Variants in ADD1 observed in about 807,000 individuals in gnomAD.
ADD1 encodes the protein alpha-adducin.
In ADD1, 24 loss-of-function variants were observed where a neutral mutation model predicts 80.5. That is an observed-to-expected ratio of 0.30 (90% CI 0.22 to 0.42). The LOEUF (loss-of-function observed/expected upper bound fraction) is 0.42, where lower values mean the gene tolerates loss of function less well. ADD1 is among the 10% of genes least tolerant of loss of function. The probability of loss-of-function intolerance (pLI) is 1.00; values close to 1 mark genes in which losing one functional copy is unlikely to be tolerated. For synonymous variants in ADD1, 373 were observed against 393.8 expected, an observed-to-expected ratio of 0.95 and a Z score of 0.63; for missense variants, 948 against 1,019.0, an observed-to-expected ratio of 0.93 and a Z score of 0.95.
chr4:2,881,994 A>G lies in ADD1; in HGVS notation c.292A>G (p.Met98Val). Reference protein sequence around the residue: ...LLALQQIADFMTTNVPNVYPA... With the variant: ...LLALQQIADFVTTNVPNVYPA... ...GGCATTACAGCAGATTGCAGATTTT[A>G]TGACCACGAATGTACCAAATGTCTA... Residue 98 changes from methionine (M) to valine (V), a missense_variant, in exon 3 of 16, where the codon ATG (methionine) becomes GTG (valine). Transcript: ENST00000683351. The G allele has an allele frequency of 7.4e-6, 12 of 1,613,396 alleles. No individual in the cohort carries two copies. Among genetic ancestry groups the G allele is most frequent in the Non-Finnish European group, 1.0e-5 (12 of 1,179,850 alleles).
At position 2,928,844 on chromosome 4, in the gene ADD1, T is replaced by A; in HGVS notation, c.*321T>A. ...CAGCTTTGGCTGCACGTCACCCTCC[T>A]GAGCCTCACCTTTCCTGCCGTCCCT... On this transcript the variant is annotated 3_prime_UTR_variant, in exon 16 of 16. Coordinates refer to ENST00000683351, the MANE Select transcript of ADD1 (RefSeq NM_001354761.2). The A allele has an allele frequency of 6.6e-6, 2 of 304,010 alleles. No homozygotes were observed. The highest frequency in any genetic ancestry group is 1.2e-5 in the Non-Finnish European group (2 of 165,408). 18.8% of individuals were successfully genotyped at this position (304,010 alleles called of 1,614,324 possible).
chr4:2,897,904 A>G (rs983905254), intron 6 of ADD1, among the ~76,000 whole-genome samples: 1 of 152,144 alleles, frequency 6.6e-6, no homozygotes, highest in African/African-American at 2.4e-5. Context: ...TCATTGTATA[A>G]TTAAATCCAG....
chr4:2,877,001 CA>C (rs397879163), intron 2 of ADD1, among the ~76,000 whole-genome samples: 24,751 of 118,002 alleles, frequency 0.21, 1,910 homozygotes, highest in East Asian at 0.49. Context: ...GACTCTGTCT[CA>C]AAAAAAAAAA....
chr4:2,915,004 C>T lies in ADD1; in HGVS notation c.1912C>T (p.Arg638Cys), dbSNP rs200523186. 79 of 1,613,878 alleles carry T rather than the reference C, an allele frequency of 4.9e-5. No homozygotes were observed. Among genetic ancestry groups the T allele is most frequent in the Non-Finnish European group, 5.6e-5 (66 of 1,179,884 alleles). ...TLTDRELEEY[R>C]REVERKQKGS... ...CACAGACCGTGAGCTGGAGGAGTAC[C>T]GCAGGGAGGTGGAGAGGAAGCAGAA... Residue 638 changes from arginine to cysteine, a missense_variant, in exon 14 of 16, where the codon CGC (arginine) becomes TGC (cysteine). Arg to Cys is a radical substitution (Grantham distance 180). Coordinates refer to ENST00000683351, the MANE Select transcript of ADD1 (RefSeq NM_001354761.2).
Position 2,928,163 on chromosome 4 carries a change from C to T in ADD1, c.2048-8C>T, listed in dbSNP as rs1712223876. On this transcript the variant is annotated splice_polypyrimidine_tract_variant and splice_region_variant and intron_variant, in intron 15 of 15. Transcript: ENST00000683351. Reference sequence around the variant, plus strand: ...ACCCTTAATCCCATCTCTCACCTCACCCACTAGACCTTGTGCCGGAGCCGA... The same window carrying T: ...ACCCTTAATCCCATCTCTCACCTCATCCACTAGACCTTGTGCCGGAGCCGA... The T allele has an allele frequency of 6.2e-7, 1 of 1,613,120 alleles. No homozygotes were observed. Among genetic ancestry groups the T allele is most frequent in the Non-Finnish European group, 8.5e-7 (1 of 1,179,332 alleles).
chr4:2,886,542 A>C (rs1300040866), intron 4 of ADD1, among the ~76,000 whole-genome samples: 1 of 152,148 alleles, frequency 6.6e-6, no homozygotes, highest in Non-Finnish European at 1.5e-5. Context: ...TTCATTCTGT[A>C]TGTTTAGCTG....
In ADD1 at chr4:2,884,640, T is replaced by A. The variant is rs374216380; in HGVS notation, c.484T>A (p.Ser162Thr). 40 of 1,609,474 alleles carry A rather than the reference T, an allele frequency of 2.5e-5. No individual in the cohort carries two copies. The highest frequency in any genetic ancestry group is 3.4e-5 in the Non-Finnish European group (40 of 1,177,340). Residue 162 changes from serine to threonine, a missense_variant, in exon 4 of 16, where the codon TCT becomes ACT. Transcript: ENST00000683351. ...TAGACTAGCAGATCTCTTTGGGTGGTCTCAGCTTATCTACAATCATATCAC... is the reference window on the plus strand; with the variant it reads ...TAGACTAGCAGATCTCTTTGGGTGGACTCAGCTTATCTACAATCATATCAC... ...FYRLADLFGW[S>T]QLIYNHITTR...
intron 4 of ADD1, among the ~76,000 whole-genome samples, chr4:2,888,090 C>T (rs904686125): frequency 6.6e-6 from 1 of 152,038 alleles, no homozygotes; most frequent in Non-Finnish European, 1.5e-5. Context: ...GACAGGGTCT[C>T]ACTCTGTTAC....
chr4:2,907,802 A>G lies in ADD1; in HGVS notation c.1566A>G (p.Pro522=). 6.2e-7 allele frequency: 1 copy of G among 1,614,142 alleles called. No homozygotes were observed. Among genetic ancestry groups the G allele is most frequent in the South Asian group, 1.1e-5 (1 of 91,080 alleles). The part of the protein sequence containing the change: ...STSAVPNLFV[P]LNTNPKEVQE... ...CTGCTGTCCCTAACCTGTTTGTTCC[A>G]TTGAACACTAACCCAAAAGAGGTCC... The change falls in exon 11 of 16, where the codon CCA becomes CCG. Residue 522 remains proline (P), a synonymous_variant. Transcript: ENST00000683351.
At chr4:2,894,841 T>C in intron 6 of ADD1, 110 bp downstream of exon 6, 2 of 1,228,018 alleles carry the variant, frequency 1.6e-6, no homozygotes, top group South Asian at 3.4e-5. Context: ...ACTAATTTTG[T>C]TGAATATAAA....
intron 1 of ADD1, among the ~76,000 whole-genome samples, chr4:2,866,994 C>G (rs1729648727): frequency 6.6e-6 from 1 of 152,090 alleles, no homozygotes; most frequent in Non-Finnish European, 1.5e-5. Flanking sequence ...ATCACTTGAG[C>G]CCGGGGGCAG....
intron 2 of ADD1, among the ~76,000 whole-genome samples, chr4:2,879,657 C>T (rs1731923034): frequency 6.6e-6 from 1 of 152,008 alleles, no homozygotes; most frequent in African/African-American, 2.4e-5. Flanking sequence ...GAGTCTCACT[C>T]TGTCGCCCAG....
chr4:2,876,870 C>T (rs1018311384), intron 2 of ADD1, among the ~76,000 whole-genome samples: 22 of 151,670 alleles, frequency 1.5e-4, no homozygotes, highest in African/African-American at 4.6e-4. Context: ...GGCATAGTGG[C>T]GCATGCCTGT....
intron 1 of ADD1, among the ~76,000 whole-genome samples, chr4:2,855,919 T>C (rs1239315645): frequency 6.6e-6 from 1 of 151,930 alleles, no homozygotes; most frequent in African/African-American, 2.4e-5. Flanking sequence ...TAGGCTAGTC[T>C]CAAACTCTGG....
intron 1 of ADD1, among the ~76,000 whole-genome samples, chr4:2,857,442 T>C (rs966178209): frequency 2.0e-5 from 3 of 152,070 alleles, no homozygotes; most frequent in Non-Finnish European, 4.4e-5. Context: ...ACCCTGTCTC[T>C]ACATAAAATA....
At position 2,904,771 on chromosome 4, in the gene ADD1, G is replaced by C; in HGVS notation, c.1169G>C (p.Arg390Thr). Residue 390 changes from arginine to threonine, a missense_variant, in exon 10 of 16, where the codon AGA (arginine) becomes ACA (threonine). Physicochemically the swap from Arg to Thr is moderately conservative, Grantham distance 71. Transcript: ENST00000683351. ...LMRMLDNLGY[R>T]TGYPYRYPAL... ...ACTCTCCTTGGACCCTAGGGCTACAGAACTGGCTACCCTTATCGATACCCT... is the reference window on the plus strand; with the variant it reads ...ACTCTCCTTGGACCCTAGGGCTACACAACTGGCTACCCTTATCGATACCCT... 1 of 1,613,376 alleles carries C rather than the reference G, an allele frequency of 6.2e-7. No individual in the cohort carries two copies. Among genetic ancestry groups the C allele is most frequent in the Non-Finnish European group, 8.5e-7 (1 of 1,179,266 alleles).
rs560809227 is a variant in ADD1 at position 2,871,466 on chromosome 4, A to G, written c.-20-4430A>G. Among the ~76,000 whole-genome samples the G allele has an allele frequency of 5.3e-4, 80 of 152,338 alleles. 1 individual carries two copies. Among genetic ancestry groups the G allele is most frequent in the African/African-American group, 1.8e-3 (73 of 41,576 alleles). On this transcript the variant is annotated intron_variant, in intron 1 of 15. Coordinates refer to ENST00000683351, the MANE Select transcript of ADD1 (RefSeq NM_001354761.2). ...ATTAAATAAAAACATAAATTTTTTA[A>G]AAAGGGATGTTAAGATAGCTGTTCA...
intron 1 of ADD1, among the ~76,000 whole-genome samples, chr4:2,868,728 T>C (rs1232305333): frequency 6.6e-6 from 1 of 152,138 alleles, no homozygotes; most frequent in Non-Finnish European, 1.5e-5. Context: ...GGAGCAAGTA[T>C]GTACCCAGAT....
intron 3 of ADD1, among the ~76,000 whole-genome samples, chr4:2,883,414 C>G (rs191539069): frequency 6.6e-6 from 1 of 151,770 alleles, no homozygotes; most frequent in African/African-American, 2.4e-5. Context: ...TGAGAACTTT[C>G]CTTCTGAATG....
Sources: allele counts gnomAD v4.1 joint callset (sites outside exome capture counted in the v4.1 genomes callset), GRCh38; gene constraint gnomAD v4.1.1; transcripts MANE v1.5; gene names NCBI Gene and HGNC (gene_info 2026-07-23, HGNC 2026-07-21).